The following COG5 variants were observed in gnomAD, a reference collection of about 807,000 sequenced individuals.
The protein encoded by COG5 is conserved oligomeric Golgi complex subunit 5.
In COG5, 86 loss-of-function variants were observed where a neutral mutation model predicts 110.4. The ratio of observed to expected loss-of-function variants is 0.78; its 90% confidence interval spans 0.65 to 0.93. COG5 has a LOEUF of 0.93. Ranked by LOEUF, COG5 falls within the 40% of genes least tolerant of loss-of-function variation. COG5 has a pLI of 0.00. For synonymous variants in COG5, 360 were observed against 334.6 expected (o/e 1.08, Z -0.83); for missense variants, 1,077 against 987.0 (o/e 1.09, Z -1.22).
chr7:107,259,946 G>A (rs1385570808), intron 14 of COG5, among the ~76,000 whole-genome samples: 1 of 151,962 alleles, frequency 6.6e-6, no homozygotes, highest in Non-Finnish European at 1.5e-5. Context: ...TGGCTAGGAT[G>A]TAGAAAAACT....
chr7:107,513,726 T>G (rs1799708524), intron 6 of COG5, among the ~76,000 whole-genome samples: 1 of 152,014 alleles, frequency 6.6e-6, no homozygotes, highest in South Asian at 2.1e-4. Flanking sequence ...CCATAAAAAA[T>G]GAAGAGTTCA....
intron 19 of COG5, among the ~76,000 whole-genome samples, chr7:107,212,505 G>A (rs1004621664): frequency 6.6e-6 from 1 of 152,228 alleles, no homozygotes; most frequent in African/African-American, 2.4e-5. Flanking sequence ...AGATTTGTTT[G>A]TAGGCATCTC....
intron 14 of COG5, among the ~76,000 whole-genome samples, chr7:107,267,113 G>A (rs1043754069): frequency 2.0e-5 from 3 of 152,112 alleles, no homozygotes; most frequent in Admixed American, 6.5e-5. Flanking sequence ...CATGAGAGAT[G>A]AGCATGAACA....
chr7:107,303,745 G>T (rs1401089418), intron 11 of COG5, among the ~76,000 whole-genome samples: 1 of 152,038 alleles, frequency 6.6e-6, no homozygotes, highest in Non-Finnish European at 1.5e-5. Flanking sequence ...CCAGCCAAAG[G>T]TAAGTTCTAC....
chr7:107,441,489 G>A (rs1794705781), intron 6 of COG5, among the ~76,000 whole-genome samples: 1 of 152,078 alleles, frequency 6.6e-6, no homozygotes, highest in South Asian at 2.1e-4. Flanking sequence ...AAAGGAGAGA[G>A]CAGAAATAAA....
chr7:107,514,641 A>G (rs1799790844), intron 6 of COG5, among the ~76,000 whole-genome samples: 1 of 152,184 alleles, frequency 6.6e-6, no homozygotes, highest in African/African-American at 2.4e-5. Context: ...TTTTACAGAT[A>G]CACCAGATGG....
intron 8 of COG5, among the ~76,000 whole-genome samples, chr7:107,365,714 G>C (rs1157498671): frequency 4.0e-5 from 6 of 150,884 alleles, no homozygotes; most frequent in African/African-American, 9.8e-5. Context: ...GGTAAAGTGA[G>C]ATGAAGAAAA....
At chr7:107,259,526 A>G (rs1053007967) in intron 14 of COG5, among the ~76,000 whole-genome samples, 17 of 152,262 alleles carry the variant, frequency 1.1e-4, no homozygotes, top group African/African-American at 3.9e-4. Flanking sequence ...GCTCCTGAAT[A>G]AGGCACTCTG....
At chr7:107,323,303 C>T (rs1809463120) in intron 11 of COG5, among the ~76,000 whole-genome samples, 1 of 152,084 alleles carries the variant, frequency 6.6e-6, no homozygotes, top group African/African-American at 2.4e-5. Context: ...CCAAGGCGGG[C>T]CGATCATTTG....
chr7:107,256,057 T>C (rs1802857610), intron 16 of COG5, among the ~76,000 whole-genome samples: 1 of 152,186 alleles, frequency 6.6e-6, no homozygotes, highest in Non-Finnish European at 1.5e-5. Context: ...CTTGATAATA[T>C]GCTTGTTTTT....
chr7:107,357,352 G>C (rs1475075952), intron 10 of COG5, among the ~76,000 whole-genome samples: 3 of 152,076 alleles, frequency 2.0e-5, no homozygotes, highest in Non-Finnish European at 2.9e-5. Context: ...TTTCACAAAA[G>C]ACTGATCTTT....
chr7:107,489,805 T>TA (rs1221575824), intron 6 of COG5, among the ~76,000 whole-genome samples: 4 of 152,016 alleles, frequency 2.6e-5, no homozygotes, highest in Non-Finnish European at 5.9e-5. Context: ...AGATTTTTTT[T>TA]AAAAAAAGAA....
intron 5 of COG5, among the ~76,000 whole-genome samples, chr7:107,541,253 T>C (rs933076033): frequency 2.0e-5 from 3 of 151,818 alleles, no homozygotes; most frequent in East Asian, 3.9e-4. Context: ...TTCCAGCACT[T>C]TGGGAGGCCA....
rs1274680375 is a variant in COG5 at position 107,440,646 on chromosome 7, G to C, written c.539-28014C>G. ...CCACCCCACACCAACTTCTGGGGAG[G>C]GAAAAGAGGCTGAAAACTGAGTCAA... On this transcript the variant is annotated intron_variant, in intron 6 of 21. Coordinates refer to ENST00000297135, the MANE Select transcript of COG5 (RefSeq NM_006348.5). 5.9e-5 allele frequency among the ~76,000 whole-genome samples: 9 copies of C among 152,070 alleles called. 1 individual carries two copies. Among genetic ancestry groups the C allele is most frequent in the Admixed American group, 5.9e-4 (9 of 15,274 alleles).
chr7:107,525,232 G>GT (rs979269543), intron 6 of COG5, among the ~76,000 whole-genome samples: 96 of 150,282 alleles, frequency 6.4e-4, no homozygotes, highest in African/African-American at 2.1e-3. Flanking sequence ...GGCTGTGCCT[G>GT]TTTTTGTTTT....
In COG5 at chr7:107,545,998, G is replaced by C. The variant is rs139515972; in HGVS notation, c.417+2113C>G. Among the ~76,000 whole-genome samples, 921 of 152,102 alleles carry C rather than the reference G, an allele frequency of 6.1e-3. 3 individuals are homozygous for C. Among genetic ancestry groups the C allele is most frequent in the Non-Finnish European group, 7.4e-3 (501 of 67,980 alleles). On this transcript the variant is annotated intron_variant, in intron 5 of 21. Coordinates refer to ENST00000297135, the MANE Select transcript of COG5 (RefSeq NM_006348.5). Reference sequence around the variant, plus strand: ...AGAAAATAAGGCTTAACAAACTTAAGAAGACTGAGATCATATCAAATATCT... The same window carrying C: ...AGAAAATAAGGCTTAACAAACTTAACAAGACTGAGATCATATCAAATATCT...
intron 7 of COG5, among the ~76,000 whole-genome samples, chr7:107,392,903 A>G (rs750606791): frequency 6.6e-6 from 1 of 152,196 alleles, no homozygotes; most frequent in Non-Finnish European, 1.5e-5. Context: ...AGGCGCCTGC[A>G]TACCACATGT....
chr7:107,513,564 T>C (rs1799697894), intron 6 of COG5, among the ~76,000 whole-genome samples: 1 of 152,096 alleles, frequency 6.6e-6, no homozygotes, highest in Non-Finnish European at 1.5e-5. Context: ...ACCCAAAGGA[T>C]TATAAATCAC....
At chr7:107,508,508 T>C (rs1372189350) in intron 6 of COG5, among the ~76,000 whole-genome samples, 1 of 152,216 alleles carries the variant, frequency 6.6e-6, no homozygotes, top group Admixed American at 6.5e-5. Flanking sequence ...TAAAGGTCCC[T>C]GTCTGACAGC....
Sources: gnomAD v4.1 joint callset for allele counts (sites outside exome capture counted in the v4.1 genomes callset) on GRCh38, gnomAD v4.1.1 for gene constraint, MANE v1.5 for transcripts, NCBI Gene and HGNC (gene_info 2026-07-23, HGNC 2026-07-21) for gene names.